ETV6: variants seen among roughly 807,000 people sequenced by gnomAD.
ETV6 encodes transcription factor ETV6.
In ETV6, 16 loss-of-function variants were observed where a neutral mutation model predicts 51.1. That is an observed-to-expected ratio of 0.31 (90% CI 0.21 to 0.48). The LOEUF is 0.48. ETV6 is among the 20% of genes least tolerant of loss of function. The pLI, the probability that ETV6 is intolerant of heterozygous loss-of-function variation, is 0.99. For synonymous variants in ETV6, 240 were observed against 224.1 expected (o/e 1.07, Z -0.64); for missense variants, 458 against 594.8 (o/e 0.77, Z 2.39).
chr12:11,799,130 A>G (rs1164225145), intron 2 of ETV6, among the ~76,000 whole-genome samples: 1 of 152,154 alleles, frequency 6.6e-6, no homozygotes, highest in Non-Finnish European at 1.5e-5. Flanking sequence ...CTAAAGGCAG[A>G]GGGGGAGGGG....
chr12:11,815,700 C>T (rs1354198125), intron 2 of ETV6, among the ~76,000 whole-genome samples: 2 of 152,188 alleles, frequency 1.3e-5, no homozygotes, highest in African/African-American at 4.8e-5. Context: ...CCTAATTTGG[C>T]TCAGGGCAGA....
At chr12:11,736,046 A>G (rs935808980) in intron 1 of ETV6, among the ~76,000 whole-genome samples, 4 of 152,248 alleles carry the variant, frequency 2.6e-5, no homozygotes, top group African/African-American at 9.6e-5. Context: ...GTAGTTGACA[A>G]TAAATGATAG....
chr12:11,868,223 A>G (rs922295461), intron 4 of ETV6, among the ~76,000 whole-genome samples: 13 of 152,144 alleles, frequency 8.5e-5, no homozygotes, highest in Non-Finnish European at 4.4e-5. Context: ...CATAGTTTCT[A>G]TATTGCAGTG....
At chr12:11,688,596 A>G (rs1020239262) in intron 1 of ETV6, among the ~76,000 whole-genome samples, 3 of 152,230 alleles carry the variant, frequency 2.0e-5, no homozygotes, top group African/African-American at 4.8e-5. Flanking sequence ...AACCTGCCTC[A>G]AGACTGCAGA....
At chr12:11,886,572 T>G (rs1162927765) in intron 7 of ETV6, among the ~76,000 whole-genome samples, 1 of 152,084 alleles carries the variant, frequency 6.6e-6, no homozygotes, top group Non-Finnish European at 1.5e-5. Flanking sequence ...TTGTTCCAGG[T>G]GTGTATGTAC....
At chr12:11,865,143 CA>C (rs1439176794) in intron 4 of ETV6, among the ~76,000 whole-genome samples, 19 of 151,648 alleles carry the variant, frequency 1.3e-4, no homozygotes, top group Non-Finnish European at 2.4e-4. Context: ...CCCAGCTACT[CA>C]GGAGGCTGAG....
intron 2 of ETV6, among the ~76,000 whole-genome samples, chr12:11,803,520 T>C (rs1326939464): frequency 1.3e-5 from 2 of 152,232 alleles, no homozygotes; most frequent in African/African-American, 2.4e-5. Context: ...GTCCTCGTGA[T>C]TGAGTATTGA....
At chr12:11,669,658 C>T (rs1341779406) in intron 1 of ETV6, among the ~76,000 whole-genome samples, 1 of 152,136 alleles carries the variant, frequency 6.6e-6, no homozygotes, top group Non-Finnish European at 1.5e-5. Context: ...CCCTCCCCAT[C>T]TTCTTCCAGC....
intron 1 of ETV6, among the ~76,000 whole-genome samples, chr12:11,675,696 C>T (rs1864410012): frequency 6.6e-6 from 1 of 152,092 alleles, no homozygotes; most frequent in African/African-American, 2.4e-5. Context: ...TGCCTGTAGT[C>T]CCAGTTACCC....
At chr12:11,682,188 G>A (rs1347064490) in intron 1 of ETV6, among the ~76,000 whole-genome samples, 2 of 152,200 alleles carry the variant, frequency 1.3e-5, no homozygotes. Context: ...CACCAACAGT[G>A]TAAAAGCATT....
At chr12:11,780,443 A>G (rs1945396897) in intron 2 of ETV6, among the ~76,000 whole-genome samples, 1 of 152,204 alleles carries the variant, frequency 6.6e-6, no homozygotes, top group Non-Finnish European at 1.5e-5. Context: ...AAAAGCTCTG[A>G]ACAACTTAAT....
rs185081302 is a variant in ETV6, at chr12:11,655,357, G to A, written c.33+5197G>A. Among the ~76,000 whole-genome samples, 258 of 152,326 alleles carry A rather than the reference G, an allele frequency of 1.7e-3. 5 individuals are homozygous for A. Among genetic ancestry groups the A allele is most frequent in the African/African-American group, 5.7e-3 (236 of 41,562 alleles). ...TCCGTGTGTATTTGTTGAATAGAAT[G>A]AGTGTGCATTTACTCAGGGTTCCCA... is the stretch of plus-strand genomic sequence containing the variant. On this transcript the variant is annotated intron_variant, in intron 1 of 7. Transcript: ENST00000396373.
At chr12:11,822,387 A>T (rs1946093993) in intron 2 of ETV6, among the ~76,000 whole-genome samples, 1 of 150,956 alleles carries the variant, frequency 6.6e-6, no homozygotes. Flanking sequence ...GTGCGTTAGA[A>T]CTCTCCCGCA....
At chr12:11,668,395 G>GTT (rs141115081) in intron 1 of ETV6, among the ~76,000 whole-genome samples, 57 of 147,128 alleles carry the variant, frequency 3.9e-4, no homozygotes, top group African/African-American at 1.4e-3. Context: ...ACTTCGCACT[G>GTT]TTTTGTTTTT....
intron 2 of ETV6, among the ~76,000 whole-genome samples, chr12:11,788,216 A>T (rs1945517867): frequency 6.6e-6 from 1 of 151,086 alleles, no homozygotes; most frequent in Non-Finnish European, 1.5e-5. Context: ...GGCTATAGTC[A>T]CACTGCATAG....
intron 2 of ETV6, among the ~76,000 whole-genome samples, chr12:11,753,515 G>A (rs1211269878): frequency 6.6e-6 from 1 of 152,166 alleles, no homozygotes; most frequent in Admixed American, 6.5e-5. Flanking sequence ...GGTCACCTTG[G>A]CCCTTCCAGT....
chr12:11,859,118 G>GCC (rs1565555150), intron 4 of ETV6, among the ~76,000 whole-genome samples: 2 of 41,794 alleles, frequency 4.8e-5, no homozygotes, highest in African/African-American at 1.4e-4. Context: ...ATATGAATCT[G>GCC]GTTTTTTTTT....
At chr12:11,797,080 T>C (rs911069170) in intron 2 of ETV6, among the ~76,000 whole-genome samples, 31 of 152,232 alleles carry the variant, frequency 2.0e-4, no homozygotes, top group Admixed American at 6.5e-5. Flanking sequence ...CAATGAAAGA[T>C]TCTTTTTCTC....
chr12:11,676,047 G>T (rs930077400), intron 1 of ETV6, among the ~76,000 whole-genome samples: 1 of 152,286 alleles, frequency 6.6e-6, no homozygotes, highest in Admixed American at 6.5e-5. Flanking sequence ...CTCATTCCTT[G>T]CCTTTTATTT....
Sources: gnomAD v4.1 joint callset for allele counts (sites outside exome capture counted in the v4.1 genomes callset) on GRCh38, gnomAD v4.1.1 for gene constraint, MANE v1.5 for transcripts, NCBI Gene and HGNC (gene_info 2026-07-23, HGNC 2026-07-21) for gene names.